The following HCN4 variants were observed in gnomAD, a reference collection of about 807,000 sequenced individuals.
HCN4 encodes potassium/sodium hyperpolarization-activated cyclic nucleotide-gated channel 4.
A neutral mutation model predicts 76.9 loss-of-function variants in HCN4; 29 were observed. That is an observed-to-expected ratio of 0.38 (90% CI 0.28 to 0.51). The LOEUF (loss-of-function observed/expected upper bound fraction) is 0.51. Among genes scored for constraint, HCN4 ranks in the 20% least tolerant of loss-of-function variants. The pLI, the probability that HCN4 is intolerant of heterozygous loss-of-function variation, is 0.90. For missense variants in HCN4, 1,416 were observed against 1,715.2 expected (o/e 0.83, Z 3.08); for synonymous variants, 772 against 762.5 (o/e 1.01, Z -0.21).
chr15:73,368,293 C>T lies in HCN4; in HGVS notation c.-23G>A. The T allele has an allele frequency of 6.8e-7, 1 of 1,470,276 alleles. No individual in the cohort carries two copies. Among genetic ancestry groups the T allele is most frequent in the African/African-American group, 1.5e-5 (1 of 68,164 alleles). 91.1% of individuals were successfully genotyped at this position (1,470,276 alleles called of 1,614,324 possible). ...CATGGCGCCAGGGGCCGGGGTCGGACCGGGCCGGGGGCAGGAGCGCGGCGC... is the reference window on the plus strand; with the variant it reads ...CATGGCGCCAGGGGCCGGGGTCGGATCGGGCCGGGGGCAGGAGCGCGGCGC... On this transcript the variant is annotated 5_prime_UTR_variant, in exon 1 of 8. Transcript: ENST00000261917. The surrounding 1 kb of genome is among the most constrained non-coding windows in gnomAD (Gnocchi z 6.9).
In HCN4 at chr15:73,323,452, A is replaced by G. The variant is rs749513545; in HGVS notation, c.2641T>C (p.Ser881Pro). 2 of 1,608,770 alleles carry G rather than the reference A, an allele frequency of 1.2e-6. No homozygotes were observed. Among genetic ancestry groups the G allele is most frequent in the South Asian group, 2.2e-5 (2 of 91,036 alleles). ...LSPLLPSSSS[S>P]PPPGACGSPS... ...GAGCCACAGGCCCCGGGGGGTGGGG[A>G]GGAGCTGGATGAGGGCAGGAGTGGG... The change falls in exon 8 of 8, where the codon TCC (serine) becomes CCC (proline). Residue 881 changes from serine (S) to proline (P), a missense_variant. Ser to Pro is a moderately conservative substitution (Grantham distance 74). This residue lies in a region of HCN4 where 633 missense variants were observed against 579.8 expected (regional missense o/e 1.09). Transcript: ENST00000261917.
chr15:73,356,446 C>T (rs538134330), intron 1 of HCN4, among the ~76,000 whole-genome samples: 90 of 144,664 alleles, frequency 6.2e-4, no homozygotes, highest in Non-Finnish European at 1.1e-3. Context: ...CTCCTGGGCT[C>T]GAGTGATCCT....
rs554177392 is a variant in HCN4 at position 73,321,216 on chromosome 15, A to G, written c.*1265T>C. The stretch of plus-strand genomic sequence containing the variant: ...AAGAAGTGGCAGGGCTGGGATTCAA[A>G]CCCAGGCCTGACTGCTGCCAAAATC... On this transcript the variant is annotated 3_prime_UTR_variant, in exon 8 of 8. Coordinates refer to ENST00000261917, the MANE Select transcript of HCN4 (RefSeq NM_005477.3). 2 of 152,242 alleles carry G rather than the reference A, an allele frequency of 1.3e-5. No homozygotes were observed. The highest frequency in any genetic ancestry group is 4.1e-4 in the South Asian group (2 of 4,826). The allele number at this position is 152,242 out of a possible 1,614,324, so 9.4% of individuals were successfully genotyped here. A position where few individuals can be genotyped will look rare whatever the true frequency, so the allele number is the denominator to read the frequency against.
At position 73,324,207 on chromosome 15, in the gene HCN4, G is replaced by A. The variant is rs149033101; in HGVS notation, c.2025C>T (p.Ala675=). 7.4e-5 allele frequency: 120 copies of A among 1,613,924 alleles called. No individual in the cohort carries two copies. The highest frequency in any genetic ancestry group is 1.6e-4 in the Middle Eastern group (1 of 6,072). ...GCGAGTAGAGGCGGCAGTAGGTGTC[G>A]GCCCTCACGCTGGCTGTGCGCCGGC... is the stretch of plus-strand genomic sequence containing the variant. ...TRGRRTASVR[A]DTYCRLYSLS... is the part of the protein sequence containing the mutation. The change falls in exon 7 of 8, where the codon GCC becomes GCT. Residue 675 remains alanine (A), a synonymous_variant. Coordinates refer to ENST00000261917, the MANE Select transcript of HCN4 (RefSeq NM_005477.3).
At position 73,333,472 on chromosome 15, in the gene HCN4, A is replaced by G. The variant is rs2042945051; in HGVS notation, c.1210-1180T>C. Among the ~76,000 whole-genome samples, 2 of 152,196 alleles carry G rather than the reference A, an allele frequency of 1.3e-5. 1 individual carries two copies. Among genetic ancestry groups the G allele is most frequent in the African/African-American group, 4.8e-5 (2 of 41,444 alleles). ...AGGCCCAAACAGACAGAGCCTAGATATGTCAGCCCCTGTCTACTGGTCTTC... is the reference window on the plus strand; with the variant it reads ...AGGCCCAAACAGACAGAGCCTAGATGTGTCAGCCCCTGTCTACTGGTCTTC... On this transcript the variant is annotated intron_variant, in intron 2 of 7. Transcript: ENST00000261917.
rs758371313 is a variant in HCN4, at chr15:73,324,095, G to A, written c.2137C>T (p.Arg713Cys). 7 of 1,612,442 alleles carry A rather than the reference G, an allele frequency of 4.3e-6. No individual in the cohort carries two copies. Among genetic ancestry groups the A allele is most frequent in the East Asian group, 2.2e-5 (1 of 44,850 alleles). Residue 713 changes from arginine (R) to cysteine (C), a missense_variant, in exon 7 of 8, where the codon CGC becomes TGC. Around this residue, in one of 6 missense-constraint regions of HCN4, gnomAD observed 241 missense variants for 379.4 expected, o/e 0.64. Transcript: ENST00000261917. ...FETVALDRLD[R>C]IGKKNSILLH... Reference sequence around the variant, plus strand: ...TGTGGCCCCTCCCCCTCACCAATGCGGTCCAGGCGGTCCAGCGCCACGGTC... The same window carrying A: ...TGTGGCCCCTCCCCCTCACCAATGCAGTCCAGGCGGTCCAGCGCCACGGTC...
chr15:73,329,680 T>C lies in HCN4; in HGVS notation c.1483A>G (p.Thr495Ala). ...GCACCCACGATCATGCTGAGCATGG[T>C]GAGCCAGACGTCGGACATGCCCACG... is the stretch of plus-strand genomic sequence containing the variant. ...APVGMSDVWL[T>A]MLSMIVGATC... Residue 495 changes from threonine (T) to alanine (A), a missense_variant, in exon 4 of 8, where the codon ACC (threonine) becomes GCC (alanine). Around this residue, in one of 6 missense-constraint regions of HCN4, gnomAD observed 112 missense variants for 259.9 expected, o/e 0.43. Coordinates refer to ENST00000261917, the MANE Select transcript of HCN4 (RefSeq NM_005477.3). 6.2e-7 allele frequency: 1 copy of C among 1,614,168 alleles called. No individual in the cohort carries two copies. Among genetic ancestry groups the C allele is most frequent in the Non-Finnish European group, 8.5e-7 (1 of 1,180,004 alleles).
intron 1 of HCN4, among the ~76,000 whole-genome samples, chr15:73,354,537 G>A (rs1271399914): frequency 1.3e-5 from 2 of 152,192 alleles, no homozygotes; most frequent in Non-Finnish European, 2.9e-5. Context: ...TGAGACTGCT[G>A]GTGCAGGGAC....
At chr15:73,355,078 G>A (rs1372104961) in intron 1 of HCN4, among the ~76,000 whole-genome samples, 1 of 152,248 alleles carries the variant, frequency 6.6e-6, no homozygotes, top group Non-Finnish European at 1.5e-5. Context: ...AAAGGAGCAG[G>A]GGGCAGCATG....
chr15:73,367,057 G>A lies in HCN4; in HGVS notation c.785+429C>T, dbSNP rs1431548711. ...ATAAATGCCTGCTGTCAGCACCCAAGGAGCTGGCCCGTTGCTAAGAGGTCT... is the reference window on the plus strand; with the variant it reads ...ATAAATGCCTGCTGTCAGCACCCAAAGAGCTGGCCCGTTGCTAAGAGGTCT... On this transcript the variant is annotated intron_variant, in intron 1 of 7. Coordinates refer to ENST00000261917, the MANE Select transcript of HCN4 (RefSeq NM_005477.3). This position sits in a 1 kb window ranked among gnomAD's most constrained non-coding sequence, Gnocchi z 7.5. Among the ~76,000 whole-genome samples, 3 of 152,224 alleles carry A rather than the reference G, an allele frequency of 2.0e-5. No individual in the cohort carries two copies. Among genetic ancestry groups the A allele is most frequent in the African/African-American group, 7.2e-5 (3 of 41,456 alleles).
Position 73,325,931 on chromosome 15 carries a change from C to T in HCN4, c.1591-487G>A, listed in dbSNP as rs924473648. ...GCAGAAGCAAGGATGCCTGGCTGCT[C>T]GATGCTATGAATCCAAACGTGGCCT... is the stretch of plus-strand genomic sequence containing the variant. On this transcript the variant is annotated intron_variant, in intron 4 of 7. Coordinates refer to ENST00000261917, the MANE Select transcript of HCN4 (RefSeq NM_005477.3). The surrounding 1 kb of genome is among the most constrained non-coding windows in gnomAD (Gnocchi z 7.4). 7.2e-5 allele frequency among the ~76,000 whole-genome samples: 11 copies of T among 152,070 alleles called. No homozygotes were observed. Among genetic ancestry groups the T allele is most frequent in the African/African-American group, 2.4e-4 (10 of 41,406 alleles).
At chr15:73,348,924 C>T (rs894583382) in intron 1 of HCN4, among the ~76,000 whole-genome samples, 16 of 152,222 alleles carry the variant, frequency 1.1e-4, no homozygotes, top group Admixed American at 2.6e-4. Context: ...GCCAACGACT[C>T]CAGAGCTGAA....
At chr15:73,336,027 C>T (rs952857920) in intron 2 of HCN4, among the ~76,000 whole-genome samples, 6 of 152,082 alleles carry the variant, frequency 3.9e-5, no homozygotes, top group Admixed American at 3.3e-4. Flanking sequence ...AAGGAAGCCG[C>T]ACCCAGGAAA....
intron 1 of HCN4, among the ~76,000 whole-genome samples, chr15:73,350,048 G>A (rs751237953): frequency 5.3e-5 from 8 of 152,090 alleles, no homozygotes; most frequent in East Asian, 1.9e-4. Flanking sequence ...CACCACCTCC[G>A]GTGCTGCATC....
At chr15:73,352,605 G>A (rs2043059682) in intron 1 of HCN4, among the ~76,000 whole-genome samples, 1 of 152,240 alleles carries the variant, frequency 6.6e-6, no homozygotes, top group Non-Finnish European at 1.5e-5. Context: ...CTGCCAACCA[G>A]GGCCCTGACT....
At position 73,367,337 on chromosome 15, in the gene HCN4, G is replaced by T; in HGVS notation, c.785+149C>A. 1 of 1,219,566 alleles carries T rather than the reference G, an allele frequency of 8.2e-7. No homozygotes were observed. Among genetic ancestry groups the T allele is most frequent in the Non-Finnish European group, 1.1e-6 (1 of 876,878 alleles). 75.5% of individuals were successfully genotyped at this position (1,219,566 alleles called of 1,614,324 possible). A position where few individuals can be genotyped will look rare whatever the true frequency, so the allele number is the denominator to read the frequency against. On this transcript the variant is annotated intron_variant, in intron 1 of 7. Transcript: ENST00000261917. This position sits in a 1 kb window ranked among gnomAD's most constrained non-coding sequence, Gnocchi z 7.5. ...CCAGCGCGGTGCAGGAGGGGGCCTG[G>T]GGGTGTCTCGGAGCCTAGAGGCGCC...
At chr15:73,336,308 G>A (rs1297770854) in intron 2 of HCN4, among the ~76,000 whole-genome samples, 1 of 152,180 alleles carries the variant, frequency 6.6e-6, no homozygotes, top group African/African-American at 2.4e-5. Context: ...GAAGCACCCT[G>A]AGTGGGGTCT....
chr15:73,360,955 A>G (rs2043102281), intron 1 of HCN4, among the ~76,000 whole-genome samples: 1 of 152,230 alleles, frequency 6.6e-6, no homozygotes, highest in Non-Finnish European at 1.5e-5. Flanking sequence ...AGCCAATGTA[A>G]AGGAGGCAGC....
intron 1 of HCN4, among the ~76,000 whole-genome samples, chr15:73,366,541 C>A (rs551333929): frequency 6.6e-6 from 1 of 152,330 alleles, no homozygotes; most frequent in South Asian, 2.1e-4. Flanking sequence ...TAGGTAAAGG[C>A]ATCCCTGATC....
Sources: allele counts gnomAD v4.1 joint callset (sites outside exome capture counted in the v4.1 genomes callset), GRCh38; gene constraint gnomAD v4.1.1; regional missense constraint gnomAD v4.1.1; non-coding constraint Gnocchi (gnomAD v3.1); transcripts MANE v1.5; gene names NCBI Gene and HGNC (gene_info 2026-07-23, HGNC 2026-07-21).